The following MROH1 variants were observed in gnomAD, a reference collection of about 807,000 sequenced individuals.
MROH1 encodes maestro heat-like repeat-containing protein family member 1.
Under a neutral mutation model 116.5 loss-of-function variants are expected in MROH1, and 117 were observed. The ratio of observed to expected loss-of-function variants is 1.00; its 90% CI spans 0.86 to 1.17. The LOEUF is 1.17. MROH1 is among the 50% of genes most tolerant of loss of function. The pLI is 0.00. For synonymous variants in MROH1, 921 were observed against 583.9 expected (o/e 1.58, Z -8.32); for missense variants, 1,873 against 1,338.5 (o/e 1.40, Z -6.23).
Position 144,240,173 on chromosome 8 carries a change from C to A in MROH1, c.1827+20C>A. On this transcript the variant is annotated intron_variant, in intron 19 of 43. Coordinates refer to ENST00000326134, the MANE Select transcript of MROH1 (RefSeq NM_032450.3). The stretch of plus-strand genomic sequence containing the variant: ...TTGATGGTGAGGGCCGGGGTACGGC[C>A]CATCCTGGGCCTTAAGGTGTTGTCT... 1.3e-6 allele frequency: 1 copy of A among 767,132 alleles called. No individual in the cohort carries two copies. Among genetic ancestry groups the A allele is most frequent in the East Asian group, 2.4e-5 (1 of 40,820 alleles). 47.5% of individuals were successfully genotyped at this position (767,132 alleles called of 1,614,324 possible). A position where few individuals can be genotyped will look rare whatever the true frequency, so the allele number is the denominator to read the frequency against.
At chr8:144,177,325 C>T (rs1190647973) in intron 4 of MROH1, among the ~76,000 whole-genome samples, 1 of 152,216 alleles carries the variant, frequency 6.6e-6, no homozygotes, top group Non-Finnish European at 1.5e-5. Flanking sequence ...GGCGCTGCCC[C>T]GTCACTGGCA....
intron 7 of MROH1, among the ~76,000 whole-genome samples, chr8:144,181,174 G>A (rs954391170): frequency 2.0e-5 from 3 of 151,048 alleles, no homozygotes; most frequent in Admixed American, 6.6e-5. Context: ...GTAGCTGGCC[G>A]GGAGGAGAAC....
chr8:144,240,734 C>T lies in MROH1; in HGVS notation c.1935+57C>T, dbSNP rs920149900. ...ACTTGGGCTCCGAGTTTCTGGGTCT[C>T]GTGTCTGTCACTTGCTGTCTGGGCC... On this transcript the variant is annotated intron_variant, in intron 20 of 43. Transcript: ENST00000326134. 7.9e-5 allele frequency: 56 copies of T among 706,604 alleles called. 1 individual carries two copies. The highest frequency in any genetic ancestry group is 1.4e-4 in the Admixed American group (7 of 49,940). The allele number at this position is 706,604 out of a possible 1,614,324, so 43.8% of individuals were successfully genotyped here. A position where few individuals can be genotyped will look rare whatever the true frequency, so the allele number is the denominator to read the frequency against.
At chr8:144,244,740 C>T (rs927979782) in intron 28 of MROH1, among the ~76,000 whole-genome samples, 17 of 152,332 alleles carry the variant, frequency 1.1e-4, no homozygotes, top group African/African-American at 3.6e-4. Flanking sequence ...CCAGGTGGGA[C>T]CTCTGGAGCC....
chr8:144,214,382 C>G (rs1278688149), intron 12 of MROH1: 1 of 152,226 alleles, frequency 6.6e-6, no homozygotes, highest in Non-Finnish European at 1.5e-5. Context: ...GTCTTTGTGT[C>G]TTTTCCATTA....
chr8:144,231,077 T>C (rs9774358), intron 14 of MROH1, among the ~76,000 whole-genome samples: 8,825 of 143,372 alleles, frequency 0.062, 948 homozygotes, highest in African/African-American at 0.23. Flanking sequence ...TTAATCCATT[T>C]AACCCTGAGT....
chr8:144,168,345 C>T lies in MROH1; in HGVS notation c.73C>T (p.Gln25Ter). ...DAITDKDPLV[Q>*]EQVCSALCSL... ...CATCACCGATAAGGACCCCCTGGTGCAGGAGCAGGTCTGCAGTGCCCTGTG... is the reference window on the plus strand; with the variant it reads ...CATCACCGATAAGGACCCCCTGGTGTAGGAGCAGGTCTGCAGTGCCCTGTG... The change falls in exon 4 of 44, where the codon CAG becomes TAG. Residue 25 changes from glutamine to a stop codon, truncating the protein, a stop_gained. Transcript: ENST00000326134. LOFTEE classifies it high-confidence loss of function. 6.2e-7 allele frequency: 1 copy of T among 1,610,640 alleles called. No individual in the cohort carries two copies. The highest frequency in any genetic ancestry group is 8.5e-7 in the Non-Finnish European group (1 of 1,179,636).
At chr8:144,212,367 G>A (rs1457299634) in intron 12 of MROH1, among the ~76,000 whole-genome samples, 3 of 152,036 alleles carry the variant, frequency 2.0e-5, no homozygotes, top group Non-Finnish European at 2.9e-5. Context: ...TTACAGGTAT[G>A]AGTCACTGCA....
At position 144,260,074 on chromosome 8, in the gene MROH1, C is replaced by G; in HGVS notation, c.4191+17C>G. The G allele has an allele frequency of 6.8e-6, 5 of 730,542 alleles. No homozygotes were observed. Among genetic ancestry groups the G allele is most frequent in the Admixed American group, 1.9e-5 (1 of 53,532 alleles). 45.3% of individuals were successfully genotyped at this position (730,542 alleles called of 1,614,324 possible). On this transcript the variant is annotated intron_variant, in intron 38 of 43. Coordinates refer to ENST00000326134, the MANE Select transcript of MROH1 (RefSeq NM_032450.3). ...CCTGACAAGGTGGGGTGGCCACCAG[C>G]CCCTCTGGGTCCCAGGCAGCATGGG...
intron 4 of MROH1, among the ~76,000 whole-genome samples, chr8:144,173,771 C>G (rs1161576374): frequency 2.0e-5 from 3 of 152,228 alleles, no homozygotes; most frequent in Non-Finnish European, 4.4e-5. Context: ...GATGCCCCAC[C>G]TGGGCCTTGC....
At chr8:144,191,459 T>C (rs1463390388) in intron 8 of MROH1, among the ~76,000 whole-genome samples, 1 of 152,132 alleles carries the variant, frequency 6.6e-6, no homozygotes, top group Non-Finnish European at 1.5e-5. Flanking sequence ...TGTGGGTTTT[T>C]CCTTCTGCCC....
At chr8:144,213,213 C>T in intron 12 of MROH1, 3 of 689,942 alleles carry the variant, frequency 4.3e-6, no homozygotes, top group Non-Finnish European at 8.0e-6. Context: ...TCAGCCCCAT[C>T]CTCTGTTCAT....
intron 35 of MROH1, 70 bp from the exon 36 acceptor site, chr8:144,258,707 C>G (rs2129930660): frequency 2.8e-6 from 2 of 711,038 alleles, no homozygotes; most frequent in East Asian, 5.3e-5. Context: ...GGGTGCAGAC[C>G]TGAGGAGTTA....
intron 7 of MROH1, among the ~76,000 whole-genome samples, chr8:144,188,999 G>A (rs1827901100): frequency 6.6e-6 from 1 of 152,338 alleles, no homozygotes; most frequent in South Asian, 2.1e-4. Flanking sequence ...CACACAGAAA[G>A]GTGATTAGCC....
At chr8:144,165,955 T>C (rs1044661334) in intron 3 of MROH1, among the ~76,000 whole-genome samples, 4 of 151,914 alleles carry the variant, frequency 2.6e-5, no homozygotes, top group Admixed American at 6.6e-5. Context: ...TCTTGCCTCA[T>C]GCAATCTCTG....
intron 1 of MROH1, among the ~76,000 whole-genome samples, chr8:144,157,407 G>A (rs2130723282): frequency 6.6e-6 from 1 of 152,328 alleles, no homozygotes; most frequent in South Asian, 2.1e-4. Context: ...TTTGTTATGA[G>A]AGTAATGCTC....
At chr8:144,218,289 C>T (rs954812308) in intron 12 of MROH1, among the ~76,000 whole-genome samples, 3 of 152,026 alleles carry the variant, frequency 2.0e-5, no homozygotes, top group East Asian at 1.9e-4. Flanking sequence ...TAGATGATGC[C>T]GAGGTGTTTT....
intron 14 of MROH1, among the ~76,000 whole-genome samples, chr8:144,224,067 A>G (rs907547749): frequency 6.6e-6 from 1 of 152,156 alleles, no homozygotes; most frequent in African/African-American, 2.4e-5. Context: ...TTCTGACCTC[A>G]GCGTCTCCAT....
intron 14 of MROH1, among the ~76,000 whole-genome samples, chr8:144,234,503 T>G (rs1255663338): frequency 3.9e-5 from 2 of 51,450 alleles, no homozygotes; most frequent in Non-Finnish European, 3.6e-5. Flanking sequence ...TTTTCGTTTT[T>G]TTTTTTTTTT....
Sources: gnomAD v4.1 joint callset for allele counts (sites outside exome capture counted in the v4.1 genomes callset) on GRCh38, gnomAD v4.1.1 for gene constraint, MANE v1.5 for transcripts, NCBI Gene and HGNC (gene_info 2026-07-23, HGNC 2026-07-21) for gene names.